Variants in DISP3 observed in about 807,000 individuals in gnomAD.
DISP3 encodes the protein protein dispatched homolog 3.
In DISP3, 101 loss-of-function variants were observed where a neutral mutation model predicts 135.3. That is an observed-to-expected ratio of 0.75 (90% CI 0.64 to 0.88). The LOEUF (loss-of-function observed/expected upper bound fraction) is 0.88, where lower values mean the gene tolerates loss of function less well. Among genes scored for constraint, DISP3 ranks in the 40% least tolerant of loss-of-function variants. The pLI, the probability that DISP3 is intolerant of heterozygous loss-of-function variation, is 0.00. For missense variants in DISP3, 1,713 were observed against 1,878.6 expected (o/e 0.91, Z 1.63); for synonymous variants, 856 against 817.0 (o/e 1.05, Z -0.81).
At chr1:11,493,525 A>T (rs1434088976) in intron 1 of DISP3, among the ~76,000 whole-genome samples, 1 of 152,062 alleles carries the variant, frequency 6.6e-6, no homozygotes, top group East Asian at 1.9e-4. Flanking sequence ...GGAGTTCAAG[A>T]CCAGCCTGGC....
At position 11,526,724 on chromosome 1, in the gene DISP3, C is replaced by A; in HGVS notation, c.2687C>A (p.Ala896Glu). The change falls in exon 13 of 21, where the codon GCG becomes GAG. Residue 896 changes from alanine (A) to glutamate (E), a missense_variant. Around this residue, in one of 2 missense-constraint regions of DISP3, gnomAD observed 1,142 missense variants for 1,384.6 expected, o/e 0.82. Transcript: ENST00000294484. ...ACMSTVGLLQAASPSRKWMLT... is the reference protein window; with the variant it reads ...ACMSTVGLLQEASPSRKWMLT... ...ATGTCTACAGTAGGGCTGCTCCAGGCGGCGAGCCCCTCCCGCAAGTGGATG... is the reference window on the plus strand; with the variant it reads ...ATGTCTACAGTAGGGCTGCTCCAGGAGGCGAGCCCCTCCCGCAAGTGGATG... 6.2e-7 allele frequency: 1 copy of A among 1,614,012 alleles called. No individual in the cohort carries two copies. Among genetic ancestry groups the A allele is most frequent in the Non-Finnish European group, 8.5e-7 (1 of 1,180,036 alleles).
At chr1:11,533,935 G>T in intron 17 of DISP3, 1 of 703,260 alleles carries the variant, frequency 1.4e-6, no homozygotes. Context: ...CCACCTGCCA[G>T]GGCCAGGCAG....
intron 15 of DISP3, among the ~76,000 whole-genome samples, chr1:11,530,466 A>T (rs900608353): frequency 6.6e-6 from 1 of 152,160 alleles, no homozygotes; most frequent in East Asian, 1.9e-4. Flanking sequence ...AGCGGGGTAC[A>T]CGGGAATGGC....
rs1557625172 is a variant in DISP3 at position 11,535,640 on chromosome 1, C to G, written c.3812C>G (p.Ala1271Gly). ...LAGENLPPHQ[A>G]EDARTQRQWR... Reference sequence around the variant, plus strand: ...GGAGAGAACCTGCCCCCCCACCAGGCCGAGGTGCGCACCCTGCCCGCCTTA... The same window carrying G: ...GGAGAGAACCTGCCCCCCCACCAGGGCGAGGTGCGCACCCTGCCCGCCTTA... The change falls in exon 20 of 21, where the codon GCC becomes GGC. Residue 1271 changes from alanine to glycine, a missense_variant. Coordinates refer to ENST00000294484, the MANE Select transcript of DISP3 (RefSeq NM_020780.2). The G allele has an allele frequency of 3.1e-6, 5 of 1,610,872 alleles. No homozygotes were observed. The highest frequency in any genetic ancestry group is 4.2e-6 in the Non-Finnish European group (5 of 1,179,330).
chr1:11,481,937 C>A (rs1397990405), intron 1 of DISP3: 1 of 152,194 alleles, frequency 6.6e-6, no homozygotes, highest in African/African-American at 2.4e-5. Flanking sequence ...GTGCAATCTT[C>A]ATTGGGGCAG....
intron 3 of DISP3, among the ~76,000 whole-genome samples, chr1:11,504,702 C>T (rs1386437981): frequency 2.0e-5 from 3 of 152,164 alleles, no homozygotes; most frequent in East Asian, 3.8e-4. Flanking sequence ...TTTTTGGTCC[C>T]TTTTGCCTGT....
In DISP3 at chr1:11,529,615, C is replaced by T; in HGVS notation, c.2858C>T (p.Pro953Leu). 1.2e-6 allele frequency: 2 copies of T among 1,608,874 alleles called. No individual in the cohort carries two copies. The highest frequency in any genetic ancestry group is 2.2e-5 in the South Asian group (2 of 90,940). Residue 953 changes from proline to leucine, a missense_variant, in exon 14 of 21, where the codon CCC becomes CTC. Coordinates refer to ENST00000294484, the MANE Select transcript of DISP3 (RefSeq NM_020780.2). This position sits in a 1 kb window ranked among gnomAD's most constrained non-coding sequence, Gnocchi z 4.7. ...PPFHGRVCMA[P>L]PGCLLSSSPD... ...TTCCACGGGCGCGTATGCATGGCACCCCCTGGCTGCCTGCTTAGCTCCAGC... is the reference window on the plus strand; with the variant it reads ...TTCCACGGGCGCGTATGCATGGCACTCCCTGGCTGCCTGCTTAGCTCCAGC...
chr1:11,530,099 C>T (rs1642538026), intron 15 of DISP3, 140 bp downstream of exon 15: 2 of 1,176,508 alleles, frequency 1.7e-6, no homozygotes, highest in Non-Finnish European at 2.3e-6. Context: ...GACAGAACCC[C>T]TATGGGCCCC....
At chr1:11,535,176 C>G (rs2100520473) in intron 19 of DISP3, 52 bp downstream of exon 19, 1 of 1,510,708 alleles carries the variant, frequency 6.6e-7, no homozygotes. Flanking sequence ...CGGGAACAGA[C>G]AGTCTCCCCG....
intron 10 of DISP3, among the ~76,000 whole-genome samples, chr1:11,523,209 C>G (rs1344786822): frequency 6.6e-6 from 1 of 152,220 alleles, no homozygotes; most frequent in Middle Eastern, 3.2e-3. Flanking sequence ...AGGATTAAAA[C>G]TTTGAAGGTG....
At position 11,529,808 on chromosome 1, in the gene DISP3, C is replaced by T. The variant is rs1642526949; in HGVS notation, c.2951C>T (p.Ala984Val). ...GCAGTGCCCAAGGCCCGTCTCTCAG[C>T]CACCTTCGGCTTCAACCCCTGCGTG... is the stretch of plus-strand genomic sequence containing the variant. The part of the protein sequence containing the change: ...SEKVPKARLS[A>V]TFGFNPCVNT... Residue 984 changes from alanine (A) to valine (V), a missense_variant, in exon 15 of 21, where the codon GCC becomes GTC. By Grantham distance (64) the Ala-to-Val change is moderately conservative. Around this residue, in one of 2 missense-constraint regions of DISP3, gnomAD observed 1,142 missense variants for 1,384.6 expected, o/e 0.82. Coordinates refer to ENST00000294484, the MANE Select transcript of DISP3 (RefSeq NM_020780.2). This position sits in a 1 kb window ranked among gnomAD's most constrained non-coding sequence, Gnocchi z 4.7. 4 of 1,613,642 alleles carry T rather than the reference C, an allele frequency of 2.5e-6. No homozygotes were observed. Among genetic ancestry groups the T allele is most frequent in the Non-Finnish European group, 1.7e-6 (2 of 1,179,872 alleles).
At position 11,531,203 on chromosome 1, in the gene DISP3, C is replaced by T. The variant is rs866704564; in HGVS notation, c.3229+170C>T. 2.6e-5 allele frequency among the ~76,000 whole-genome samples: 4 copies of T among 152,192 alleles called. No individual in the cohort carries two copies. The highest frequency in any genetic ancestry group is 3.4e-3 in the Middle Eastern group (1 of 294). On this transcript the variant is annotated intron_variant, in intron 16 of 20. Coordinates refer to ENST00000294484, the MANE Select transcript of DISP3 (RefSeq NM_020780.2). The surrounding 1 kb of genome is among the most constrained non-coding windows in gnomAD (Gnocchi z 5.2). The stretch of plus-strand genomic sequence containing the variant: ...GTCCACACCAGGGTGGGGTGTGTGC[C>T]GGCAGTCGAGGGTTTTTGGATGTGA...
chr1:11,522,953 A>AGAGCCCAGCCAGAGCCCAG (rs1557615821), intron 10 of DISP3, among the ~76,000 whole-genome samples: 1 of 83,122 alleles, frequency 1.2e-5, no homozygotes. Context: ...CCAGAGCCCA[A>AGAGCCCAGCCAGAGCCCAG]CCAGGACCCA....
chr1:11,488,670 T>C (rs1478093547), intron 1 of DISP3, among the ~76,000 whole-genome samples: 1 of 151,860 alleles, frequency 6.6e-6, no homozygotes, highest in African/African-American at 2.4e-5. Flanking sequence ...TGTGTGTGTT[T>C]GCAGACACGT....
In DISP3 at chr1:11,519,798, C is replaced by T. The variant is rs373832249; in HGVS notation, c.2118C>T (p.Arg706=). The T allele has an allele frequency of 3.5e-5, 57 of 1,613,010 alleles. No homozygotes were observed. The African/African-American group carries it at 4.7e-4, about 13-fold the overall frequency. Residue 706 remains arginine (R), a synonymous_variant, in exon 9 of 21, where the codon CGC becomes CGT. Transcript: ENST00000294484. This position sits in a 1 kb window ranked among gnomAD's most constrained non-coding sequence, Gnocchi z 4.3. ...GLQPASNTGS[R]GHLIVQLQEL... ...AGCCAGCCTCCAACACGGGCAGCCG[C>T]GGCCATCTCATCGTGCAGCTGCAGG...
Position 11,502,263 on chromosome 1 carries a change from G to A in DISP3, c.1096+175G>A, listed in dbSNP as rs780891958. The stretch of plus-strand genomic sequence containing the variant: ...GGCTGGGCTCAGGTGTGAGATGAGC[G>A]TAAGAGGGAACTGAAGAGGGAAGCT... On this transcript the variant is annotated intron_variant, in intron 2 of 20. Transcript: ENST00000294484. Among the ~76,000 whole-genome samples, 7 of 152,224 alleles carry A rather than the reference G, an allele frequency of 4.6e-5. No homozygotes were observed. The East Asian group carries it at 5.8e-4, about 13-fold the overall frequency.
chr1:11,535,253 C>T lies in DISP3; in HGVS notation c.3649+129C>T, dbSNP rs1642677876. 5.7e-6 allele frequency: 6 copies of T among 1,047,396 alleles called. No homozygotes were observed. The South Asian group carries it at 6.2e-5, about 11-fold the overall frequency. The allele number at this position is 1,047,396 out of a possible 1,614,324, so 64.9% of individuals were successfully genotyped here. ...CACATCTCAGCGGAGGCTCATAGGA[C>T]TGTCTCTCCTGCATGTCTGTGCTCC... On this transcript the variant is annotated intron_variant, in intron 19 of 20. Transcript: ENST00000294484.
Position 11,515,443 on chromosome 1 carries a change from TTTGGTATCCAGTAC to T in DISP3, c.1533_1546del (p.Ile512HisfsTer63). The T allele has an allele frequency of 6.2e-7, 1 of 1,613,858 alleles. No homozygotes were observed. Among genetic ancestry groups the T allele is most frequent in the Non-Finnish European group, 8.5e-7 (1 of 1,179,848 alleles). The stretch of plus-strand genomic sequence containing the variant: ...GGCCCTCTTCCTGTACCACGTGGTC[TTTGGTATCCAGTAC>T]TTGGGCATCCTGAATGGGGTGGCCG... On this transcript the variant is annotated frameshift_variant, in exon 5 of 21. Transcript: ENST00000294484. LOFTEE classifies it high-confidence loss of function.
chr1:11,524,253 C>T (rs929543436), intron 11 of DISP3, among the ~76,000 whole-genome samples, 198 bp downstream of exon 11: 10 of 152,134 alleles, frequency 6.6e-5, no homozygotes, highest in South Asian at 4.2e-4. Context: ...TAGGCTCCCG[C>T]GACACCCTGG....
Sources: allele counts gnomAD v4.1 joint callset (sites outside exome capture counted in the v4.1 genomes callset), GRCh38; gene constraint gnomAD v4.1.1; regional missense constraint gnomAD v4.1.1; non-coding constraint Gnocchi (gnomAD v3.1); transcripts MANE v1.5; gene names NCBI Gene and HGNC (gene_info 2026-07-23, HGNC 2026-07-21).